CADM2: variants seen among roughly 807,000 people sequenced by gnomAD.
CADM2 encodes the protein cell adhesion molecule 2, also known as immunoglobulin superfamily member 4D.
CADM2 carries 12 observed loss-of-function variants against 49.8 expected under a neutral mutation model. That is an observed-to-expected ratio of 0.24 (90% confidence interval 0.15 to 0.39). The LOEUF (loss-of-function observed/expected upper bound fraction) is 0.39. Among genes scored for constraint, CADM2 ranks in the 10% least tolerant of loss-of-function variants. The probability of loss-of-function intolerance (pLI) is 1.00; values close to 1 mark genes in which losing one functional copy is unlikely to be tolerated. For missense variants in CADM2, 378 were observed against 492.3 expected, an observed-to-expected ratio of 0.77 and a Z score of 2.20; for synonymous variants, 214 against 175.4, an observed-to-expected ratio of 1.22 and a Z score of -1.74.
chr3:85,135,589 G>GA (rs1169078148), intron 1 of CADM2, among the ~76,000 whole-genome samples: 3 of 152,156 alleles, frequency 2.0e-5, no homozygotes, highest in Admixed American at 1.3e-4. Context: ...TTACAGGTGT[G>GA]AAAAATTAGC....
intron 1 of CADM2, among the ~76,000 whole-genome samples, chr3:85,031,800 G>T (rs2035001314): frequency 6.6e-6 from 1 of 151,728 alleles, no homozygotes; most frequent in South Asian, 2.1e-4. Flanking sequence ...GATTACAGAC[G>T]TGAGCCACCA....
intron 1 of CADM2, among the ~76,000 whole-genome samples, chr3:85,061,658 A>T (rs1176976064): frequency 6.6e-6 from 1 of 151,990 alleles, no homozygotes; most frequent in African/African-American, 2.4e-5. Context: ...GGCTTTATTT[A>T]CTCCTTTTTT....
At chr3:85,050,294 C>T (rs1041867674) in intron 1 of CADM2, among the ~76,000 whole-genome samples, 1 of 151,998 alleles carries the variant, frequency 6.6e-6, no homozygotes, top group Admixed American at 6.6e-5. Flanking sequence ...TGAAGTACAC[C>T]TGTACCCCAC....
chr3:85,324,149 C>T (rs995673352), intron 1 of CADM2, among the ~76,000 whole-genome samples: 11 of 152,128 alleles, frequency 7.2e-5, no homozygotes, highest in Non-Finnish European at 1.2e-4. Context: ...CAAATATTTG[C>T]TCAATAAGTG....
At chr3:85,546,461 CT>C (rs1160649834) in intron 1 of CADM2, among the ~76,000 whole-genome samples, 1 of 152,102 alleles carries the variant, frequency 6.6e-6, no homozygotes, top group African/African-American at 2.4e-5. Context: ...TCAACTCCCC[CT>C]CTCTTGTTCT....
At chr3:86,034,231 CTCTG>C (rs1734898068) in intron 8 of CADM2, among the ~76,000 whole-genome samples, 2 of 151,828 alleles carry the variant, frequency 1.3e-5, no homozygotes, top group Admixed American at 1.3e-4. Flanking sequence ...TTCAATGAGG[CTCTG>C]ATATGGACTG....
intron 1 of CADM2, among the ~76,000 whole-genome samples, chr3:85,718,350 C>A (rs866469966): frequency 6.6e-6 from 1 of 152,056 alleles, no homozygotes; most frequent in Non-Finnish European, 1.5e-5. Flanking sequence ...TTATTGAGAA[C>A]CTTTTATTCC....
At chr3:85,354,079 G>T (rs1453430637) in intron 1 of CADM2, among the ~76,000 whole-genome samples, 1 of 151,698 alleles carries the variant, frequency 6.6e-6, no homozygotes, top group East Asian at 1.9e-4. Context: ...AAAAGAGTAT[G>T]ACAACTTTTA....
At chr3:85,211,175 C>T (rs1342003336) in intron 1 of CADM2, among the ~76,000 whole-genome samples, 1 of 150,076 alleles carries the variant, frequency 6.7e-6, no homozygotes, top group South Asian at 2.1e-4. Flanking sequence ...TGCATCTTTT[C>T]TCTCTCTCTC....
intron 1 of CADM2, among the ~76,000 whole-genome samples, chr3:85,094,175 C>T (rs2037705851): frequency 6.6e-6 from 1 of 152,110 alleles, no homozygotes; most frequent in East Asian, 1.9e-4. Context: ...TGTATTTTCT[C>T]TCTCAGTTAC....
rs146233846 is a variant in CADM2, at chr3:85,967,262, C to T, written c.970+5615C>T. 1.3e-4 allele frequency among the ~76,000 whole-genome samples: 20 copies of T among 151,704 alleles called. No individual in the cohort carries two copies. In the Middle Eastern group the frequency reaches 0.01, roughly 77 times the overall value. ...GGTAGTGATTCTCCATTTCAGTTAA[C>T]TTGCTTACTATGGGAGAGGAAAAAT... On this transcript the variant is annotated intron_variant, in intron 8 of 9. Coordinates refer to ENST00000383699, the MANE Select transcript of CADM2 (RefSeq NM_001167675.2).
At chr3:85,030,260 T>A (rs867589500) in intron 1 of CADM2, among the ~76,000 whole-genome samples, 2 of 152,208 alleles carry the variant, frequency 1.3e-5, no homozygotes, top group South Asian at 2.1e-4. Flanking sequence ...TTAATTTCTT[T>A]TGTTATGTAA....
chr3:85,145,158 T>C (rs966279649), intron 1 of CADM2, among the ~76,000 whole-genome samples: 1 of 152,202 alleles, frequency 6.6e-6, no homozygotes, highest in Non-Finnish European at 1.5e-5. Flanking sequence ...TTTTTAAAGG[T>C]TTAATTCAAT....
chr3:85,422,751 T>G (rs2036232005), intron 1 of CADM2, among the ~76,000 whole-genome samples: 1 of 152,076 alleles, frequency 6.6e-6, no homozygotes, highest in South Asian at 2.1e-4. Context: ...GGTGTGTCTT[T>G]TTTATTTGGC....
chr3:85,579,648 A>G (rs973053182), intron 1 of CADM2, among the ~76,000 whole-genome samples: 1 of 152,184 alleles, frequency 6.6e-6, no homozygotes, highest in African/African-American at 2.4e-5. Flanking sequence ...AAATGTTACT[A>G]AAATTATTAA....
chr3:85,668,031 A>T (rs572836578), intron 1 of CADM2, among the ~76,000 whole-genome samples: 2 of 152,174 alleles, frequency 1.3e-5, no homozygotes, highest in Non-Finnish European at 2.9e-5. Context: ...TAGACCTTCA[A>T]CAAACGTTGG....
intron 1 of CADM2, among the ~76,000 whole-genome samples, chr3:85,416,041 A>C (rs1325157151): frequency 6.6e-6 from 1 of 152,156 alleles, no homozygotes; most frequent in East Asian, 1.9e-4. Context: ...CATAAAAAAT[A>C]TTGAGGTTTT....
chr3:85,859,694 G>A (rs1337271946), intron 3 of CADM2, among the ~76,000 whole-genome samples: 1 of 152,152 alleles, frequency 6.6e-6, no homozygotes, highest in African/African-American at 2.4e-5. Flanking sequence ...TGTCTCAGGA[G>A]TGCTTTTCCT....
chr3:85,939,740 T>G lies in CADM2; in HGVS notation c.791+3883T>G, dbSNP rs566480290. Among the ~76,000 whole-genome samples the G allele has an allele frequency of 2.7e-5, 4 of 150,726 alleles. No individual in the cohort carries two copies. The South Asian group carries it at 8.4e-4, about 32-fold the overall frequency. On this transcript the variant is annotated intron_variant, in intron 7 of 9. Coordinates refer to ENST00000383699, the MANE Select transcript of CADM2 (RefSeq NM_001167675.2). ...TTTTTCTATGTATCCAGCACAATGT[T>G]TATGCTGTACTTACTATTTTACTTT...
Sources: gnomAD v4.1 joint callset for allele counts (sites outside exome capture counted in the v4.1 genomes callset) on GRCh38, gnomAD v4.1.1 for gene constraint, MANE v1.5 for transcripts, NCBI Gene and HGNC (gene_info 2026-07-23, HGNC 2026-07-21) for gene names.